Variants in ZNF385D observed in about 807,000 individuals in gnomAD.
ZNF385D encodes zinc finger protein 659.
Under a neutral mutation model 35.8 loss-of-function variants are expected in ZNF385D, and 15 were observed. The observed-to-expected ratio is 0.42, with a 90% CI of 0.28 to 0.64. The LOEUF (loss-of-function observed/expected upper bound fraction) is 0.64. Among genes scored for constraint, ZNF385D ranks in the 30% least tolerant of loss-of-function variants. The probability of loss-of-function intolerance (pLI) is 0.23; values close to 1 mark genes in which losing one functional copy is unlikely to be tolerated. For missense variants in ZNF385D, 474 were observed against 494.6 expected (o/e 0.96, Z 0.39); for synonymous variants, 212 against 186.8 (o/e 1.13, Z -1.10).
intron 3 of ZNF385D, among the ~76,000 whole-genome samples, chr3:22,160,958 T>C (rs1199944358): frequency 6.6e-6 from 1 of 152,132 alleles, no homozygotes; most frequent in Non-Finnish European, 1.5e-5. Context: ...GTTATGCCCC[T>C]TGTAATATGT....
At chr3:22,336,445 G>C (rs1011863667) in intron 2 of ZNF385D, among the ~76,000 whole-genome samples, 1 of 151,970 alleles carries the variant, frequency 6.6e-6, no homozygotes, top group East Asian at 1.9e-4. Context: ...TTTGCTTTCT[G>C]ATTTTTTATC....
intron 2 of ZNF385D, among the ~76,000 whole-genome samples, chr3:21,571,163 C>T (rs1467225967): frequency 6.6e-6 from 1 of 152,128 alleles, no homozygotes; most frequent in East Asian, 1.9e-4. Context: ...CTGTACTTGG[C>T]AAGTCAATTA....
rs73033399 is a variant in ZNF385D, at chr3:21,605,794, G to A, written c.166-41110C>T. On this transcript the variant is annotated intron_variant, in intron 2 of 7. Transcript: ENST00000281523. Reference sequence around the variant, plus strand: ...TCATTAGTTGTAAGGATATGGATGAGGACATTGAAAGATTCTTACCCTGAT... The same window carrying A: ...TCATTAGTTGTAAGGATATGGATGAAGACATTGAAAGATTCTTACCCTGAT... 3.6e-3 allele frequency among the ~76,000 whole-genome samples: 551 copies of A among 152,236 alleles called. 2 individuals are homozygous for A. The highest frequency in any genetic ancestry group is 0.01 in the Middle Eastern group (3 of 294).
intron 3 of ZNF385D, among the ~76,000 whole-genome samples, chr3:21,898,650 C>T (rs895954799): frequency 6.6e-6 from 1 of 152,126 alleles, no homozygotes; most frequent in Admixed American, 6.6e-5. Context: ...CAAAGTAACA[C>T]AAGCCAACTA....
chr3:22,293,816 A>G (rs2125401612), intron 2 of ZNF385D, among the ~76,000 whole-genome samples: 1 of 152,294 alleles, frequency 6.6e-6, no homozygotes, highest in African/African-American at 2.4e-5. Flanking sequence ...CTGAATCAGT[A>G]TCCCTGGAGG....
chr3:21,464,985 G>A (rs144081753), intron 4 of ZNF385D, among the ~76,000 whole-genome samples: 6 of 152,050 alleles, frequency 3.9e-5, no homozygotes, highest in African/African-American at 1.4e-4. Context: ...CCCCACTGCC[G>A]GCCAAGGACT....
chr3:22,019,581 CTTTTA>C (rs1403128630), intron 3 of ZNF385D, among the ~76,000 whole-genome samples: 1 of 151,656 alleles, frequency 6.6e-6, no homozygotes, highest in Non-Finnish European at 1.5e-5. Context: ...TTAAAAAATC[CTTTTA>C]TTTGTGTCTG....
intron 3 of ZNF385D, among the ~76,000 whole-genome samples, chr3:22,139,161 T>C (rs13326537): frequency 0.018 from 2,783 of 152,174 alleles, 32 homozygotes; most frequent in Non-Finnish European, 0.026. Flanking sequence ...TTTTACACTG[T>C]TGGTGGGACT....
rs867753371 is a variant in ZNF385D at position 21,984,730 on chromosome 3, G to A, written c.325+184087C>T. Among the ~76,000 whole-genome samples the A allele has an allele frequency of 6.1e-4, 64 of 105,578 alleles. 1 individual carries two copies. The South Asian group carries it at 0.011, about 18-fold the overall frequency. 69.3% of individuals were successfully genotyped at this position (105,578 alleles called of 152,430 possible). On this transcript the variant is annotated intron_variant, in intron 3 of 5. Transcript: ENST00000494108. ...AGTCATTGGTAGCTTGATGGGGATG[G>A]CATTGAATCTATAAATTACCTTGGG...
At chr3:21,714,212 C>A (rs1185304511) in intron 1 of ZNF385D, among the ~76,000 whole-genome samples, 2 of 37,258 alleles carry the variant, frequency 5.4e-5, no homozygotes, top group Non-Finnish European at 9.6e-5. Flanking sequence ...AGTGGGCCTT[C>A]CGGCAGACCT....
chr3:21,459,944 T>C (rs1703060522), intron 4 of ZNF385D, among the ~76,000 whole-genome samples: 1 of 152,074 alleles, frequency 6.6e-6, no homozygotes, highest in Non-Finnish European at 1.5e-5. Flanking sequence ...ACTTACAACC[T>C]CCCATGTTGT....
chr3:21,780,293 A>G (rs2071438963), intron 3 of ZNF385D, among the ~76,000 whole-genome samples: 1 of 152,006 alleles, frequency 6.6e-6, no homozygotes, highest in Non-Finnish European at 1.5e-5. Flanking sequence ...AGATTAATAC[A>G]GTGCTCATGG....
intron 2 of ZNF385D, among the ~76,000 whole-genome samples, chr3:22,222,363 C>A (rs1253472931): frequency 3.3e-5 from 5 of 152,026 alleles, no homozygotes; most frequent in Non-Finnish European, 7.4e-5. Flanking sequence ...TAATAACCTA[C>A]TGAATGAAAA....
chr3:21,809,715 T>A (rs1343990968), intron 3 of ZNF385D, among the ~76,000 whole-genome samples: 2 of 151,062 alleles, frequency 1.3e-5, no homozygotes, highest in African/African-American at 2.4e-5. Flanking sequence ...CATATATACA[T>A]ATATATACAC....
chr3:21,773,256 T>A (rs2071150429), intron 3 of ZNF385D, among the ~76,000 whole-genome samples: 1 of 148,316 alleles, frequency 6.7e-6, no homozygotes, highest in Non-Finnish European at 1.5e-5. Flanking sequence ...AAAGAGAAAA[T>A]AAAAGATATT....
chr3:21,790,250 T>G (rs539846833), intron 3 of ZNF385D, among the ~76,000 whole-genome samples: 2 of 14,150 alleles, frequency 1.4e-4, no homozygotes, highest in Non-Finnish European at 2.9e-4. Context: ...CATATGTGGC[T>G]TTTTTTCAAT....
intron 2 of ZNF385D, among the ~76,000 whole-genome samples, chr3:22,335,224 A>T (rs935451477): frequency 2.6e-5 from 4 of 152,178 alleles, no homozygotes; most frequent in African/African-American, 9.6e-5. Context: ...TTCTGCTAAC[A>T]TAAACAATTT....
intron 2 of ZNF385D, among the ~76,000 whole-genome samples, chr3:22,266,507 C>T (rs777836464): frequency 2.0e-5 from 3 of 151,788 alleles, no homozygotes; most frequent in Non-Finnish European, 2.9e-5. Context: ...CAAGATCTTC[C>T]TAATTAATAA....
chr3:22,177,833 G>C (rs1416482247), intron 2 of ZNF385D, among the ~76,000 whole-genome samples: 1 of 152,212 alleles, frequency 6.6e-6, no homozygotes, highest in South Asian at 2.1e-4. Context: ...AACATACGGT[G>C]GTTGGTTTTT....
Sources: gnomAD v4.1 joint callset for allele counts (sites outside exome capture counted in the v4.1 genomes callset) on GRCh38, gnomAD v4.1.1 for gene constraint, MANE v1.5 for transcripts, NCBI Gene and HGNC (gene_info 2026-07-23, HGNC 2026-07-21) for gene names.